The following FAM13B variants were observed in gnomAD, a reference collection of about 807,000 sequenced individuals.
FAM13B encodes the protein family with sequence similarity 13 member B.
FAM13B carries 60 observed loss-of-function variants against 117.3 expected under a neutral mutation model. That is an observed-to-expected ratio of 0.51 (90% CI 0.42 to 0.63). FAM13B has a LOEUF of 0.63. Ranked by LOEUF, FAM13B falls within the 30% of genes least tolerant of loss-of-function variation. FAM13B has a pLI of 0.00. For missense variants in FAM13B, 972 were observed against 1,091.9 expected, an observed-to-expected ratio of 0.89 and a Z score of 1.55; for synonymous variants, 332 against 356.1, an observed-to-expected ratio of 0.93 and a Z score of 0.76.
chr5:137,966,432 C>CA lies in FAM13B; in HGVS notation c.1180-3964dup, dbSNP rs529999087. 3.1e-3 allele frequency among the ~76,000 whole-genome samples: 184 copies of CA among 58,818 alleles called. 2 individuals carry two copies. The highest frequency in any genetic ancestry group is 0.017 in the South Asian group (32 of 1,906). 38.6% of individuals were successfully genotyped at this position (58,818 alleles called of 152,430 possible). Reference sequence around the variant, plus strand: ...AGCCTGGGTGACAGAGACTCCGTCTCAAAAAAAAAAAAGAAAGAAATAGAT... The same window carrying CA: ...AGCCTGGGTGACAGAGACTCCGTCTCAAAAAAAAAAAAAGAAAGAAATAGAT... On this transcript the variant is annotated intron_variant, in intron 10 of 23. Transcript: ENST00000689681.
chr5:137,943,292 T>A, intron 20 of FAM13B, 76 bp from the exon 21 acceptor site: 1 of 1,121,232 alleles, frequency 8.9e-7, no homozygotes, highest in Non-Finnish European at 1.3e-6. Context: ...CTTCATTATG[T>A]TACGAATCTT....
At chr5:137,986,810 T>C (rs1777359199) in intron 9 of FAM13B, among the ~76,000 whole-genome samples, 2 of 152,154 alleles carry the variant, frequency 1.3e-5, no homozygotes, top group East Asian at 1.9e-4. Context: ...CCTCACAACA[T>C]CCCAAGGAGA....
Position 137,949,078 on chromosome 5 carries a change from CT to C in FAM13B, c.2036del (p.Glu679GlyfsTer28). 1 of 1,614,088 alleles carries C rather than the reference CT, an allele frequency of 6.2e-7. No homozygotes were observed. Among genetic ancestry groups the C allele is most frequent in the Non-Finnish European group, 8.5e-7 (1 of 1,179,994 alleles). ...FGSSLDHEDE[E>X]NEDEPKVIQK... ...GAATGACCTTGGGTTCATCTTCATT[CT>C]CTTCATCTTCATGGTCTAGAGAAGA... On this transcript the variant is annotated frameshift_variant, in exon 18 of 24. Transcript: ENST00000689681. LOFTEE classifies it high-confidence loss of function.
chr5:137,956,166 A>G (rs1488869585), intron 14 of FAM13B, among the ~76,000 whole-genome samples: 1 of 152,196 alleles, frequency 6.6e-6, no homozygotes, highest in Non-Finnish European at 1.5e-5. Context: ...TTGTTTTTGA[A>G]GCCCAGATCA....
intron 7 of FAM13B, among the ~76,000 whole-genome samples, chr5:138,006,502 G>A (rs1782608891): frequency 6.6e-6 from 1 of 152,150 alleles, no homozygotes; most frequent in African/African-American, 2.4e-5. Context: ...CTATGTGCTG[G>A]GATAGGGTCT....
intron 10 of FAM13B, among the ~76,000 whole-genome samples, chr5:137,969,726 A>C (rs925148826): frequency 6.6e-6 from 1 of 152,088 alleles, no homozygotes; most frequent in Non-Finnish European, 1.5e-5. Context: ...AATTTAGAAG[A>C]ATGTATAACT....
chr5:138,010,129 T>C (rs1040640469), intron 6 of FAM13B, among the ~76,000 whole-genome samples: 1 of 152,016 alleles, frequency 6.6e-6, no homozygotes, highest in Non-Finnish European at 1.5e-5. Context: ...TACAGGCACA[T>C]GCCCCTATGC....
chr5:138,011,976 A>T, intron 4 of FAM13B, 31 bp from the exon 5 acceptor site: 2 of 1,483,842 alleles, frequency 1.3e-6, no homozygotes. Flanking sequence ...GTTTTTTTCA[A>T]TAAAGGAAAA....
chr5:137,985,486 T>C lies in FAM13B; in HGVS notation c.1047-97A>G, dbSNP rs116620891. On this transcript the variant is annotated intron_variant, in intron 9 of 23. Coordinates refer to ENST00000689681, the MANE Select transcript of FAM13B (RefSeq NM_001385994.1). ...AATATCAATAATGATCTGAAACTTT[T>C]ACTTGTTAAAGAAAATGTGTACCTT... 6,071 of 1,225,974 alleles carry C rather than the reference T, an allele frequency of 5.0e-3. 27 individuals carry two copies. The highest frequency in any genetic ancestry group is 9.5e-3 in the Middle Eastern group (46 of 4,820). The allele number at this position is 1,225,974 out of a possible 1,614,324, so 75.9% of individuals were successfully genotyped here.
chr5:137,987,858 G>A (rs533669533), intron 8 of FAM13B, among the ~76,000 whole-genome samples: 1 of 152,236 alleles, frequency 6.6e-6, no homozygotes, highest in East Asian at 1.9e-4. Context: ...ACTGGGATGG[G>A]AAAGATCAGT....
intron 7 of FAM13B, among the ~76,000 whole-genome samples, chr5:137,997,756 C>T (rs1304564705): frequency 1.3e-5 from 2 of 152,146 alleles, no homozygotes; most frequent in Non-Finnish European, 2.9e-5. Context: ...CACAAGCAAA[C>T]ATTTAAACCA....
intron 10 of FAM13B, among the ~76,000 whole-genome samples, chr5:137,971,356 T>C (rs1299036379): frequency 6.6e-6 from 1 of 152,026 alleles, no homozygotes; most frequent in Non-Finnish European, 1.5e-5. Flanking sequence ...TGCTCCTGAA[T>C]GACTACTGGG....
chr5:137,999,262 G>C (rs1780602591), intron 7 of FAM13B, among the ~76,000 whole-genome samples: 1 of 151,926 alleles, frequency 6.6e-6, no homozygotes, highest in Admixed American at 6.6e-5. Context: ...CACAGCACAT[G>C]ACACTATGCC....
intron 17 of FAM13B, among the ~76,000 whole-genome samples, chr5:137,949,578 G>A (rs574023109): frequency 3.3e-4 from 50 of 152,244 alleles, no homozygotes; most frequent in Admixed American, 1.8e-3. Flanking sequence ...TCAGGAGTTC[G>A]AGACCAGCCT....
Position 137,956,540 on chromosome 5 carries a change from ACG to A in FAM13B, c.1442_1443del (p.Ala481ValfsTer10). 1.9e-6 allele frequency: 3 copies of A among 1,589,032 alleles called. No homozygotes were observed. The highest frequency in any genetic ancestry group is 2.6e-6 in the Non-Finnish European group (3 of 1,166,500). ...ATGAGGGGAAAAGTGATAGGGCATG[ACG>A]CTAATAAAATGGAAAAAATGGCAAA... is the stretch of plus-strand genomic sequence containing the variant. ...KNVSDGDKWE[A>X]SCPITFPLID... is the part of the protein sequence containing the mutation. On this transcript the variant is annotated frameshift_variant and splice_region_variant, in exon 14 of 24. Coordinates refer to ENST00000689681, the MANE Select transcript of FAM13B (RefSeq NM_001385994.1). LOFTEE classifies it high-confidence loss of function.
In FAM13B at chr5:138,032,860, G is replaced by A. The variant is rs1790526576; in HGVS notation, c.-281C>T. On this transcript the variant is annotated 5_prime_UTR_variant, in exon 1 of 24. Transcript: ENST00000689681. ...CGGCGACGGCAAGAGGGCGAGAACT[G>A]AGGCCCCAAGTGGCTCCGCGGCCGA... The A allele has an allele frequency of 9.1e-6, 9 of 985,766 alleles. No individual in the cohort carries two copies. The highest frequency in any genetic ancestry group is 9.6e-6 in the Non-Finnish European group (8 of 829,970). The allele number at this position is 985,766 out of a possible 1,614,324, so 61.1% of individuals were successfully genotyped here. A position where few individuals can be genotyped will look rare whatever the true frequency, so the allele number is the denominator to read the frequency against.
intron 10 of FAM13B, among the ~76,000 whole-genome samples, chr5:137,966,488 T>TATATATATATATATATAGAGAGAGAGAG: frequency 3.4e-5 from 1 of 29,484 alleles, no homozygotes; most frequent in African/African-American, 1.3e-4. Context: ...TATATATATA[T>TATATATATATATATATAGAGAGAGAGAG]AGAGAGAGAG....
At chr5:138,001,941 C>T (rs890695612) in intron 7 of FAM13B, among the ~76,000 whole-genome samples, 1 of 151,958 alleles carries the variant, frequency 6.6e-6, no homozygotes, top group African/African-American at 2.4e-5. Context: ...AAAGGAAAAA[C>T]GGGTACAGCA....
chr5:138,010,033 T>G (rs992757993), intron 6 of FAM13B, among the ~76,000 whole-genome samples: 2 of 152,100 alleles, frequency 1.3e-5, no homozygotes, highest in African/African-American at 4.8e-5. Flanking sequence ...CAGGCTGAAG[T>G]GCAGTGCTAC....
Sources: allele counts gnomAD v4.1 joint callset (sites outside exome capture counted in the v4.1 genomes callset), GRCh38; gene constraint gnomAD v4.1.1; transcripts MANE v1.5; gene names NCBI Gene and HGNC (gene_info 2026-07-23, HGNC 2026-07-21).